Variants in KIAA1958 observed in about 807,000 individuals in gnomAD.
KIAA1958 encodes the protein uncharacterized protein KIAA1958.
KIAA1958 carries 14 observed loss-of-function variants against 47.2 expected under a neutral mutation model. The ratio of observed to expected loss-of-function variants is 0.30; its 90% CI spans 0.20 to 0.46. The LOEUF (loss-of-function observed/expected upper bound fraction) is 0.46, where lower values mean the gene tolerates loss of function less well. Among genes scored for constraint, KIAA1958 ranks in the 20% least tolerant of loss-of-function variants. KIAA1958 has a pLI of 1.00. For synonymous variants in KIAA1958, 354 were observed against 353.3 expected (o/e 1.00, Z -0.02); for missense variants, 803 against 909.2 (o/e 0.88, Z 1.50).
intron 2 of KIAA1958, among the ~76,000 whole-genome samples, chr9:112,635,066 C>A (rs932265117): frequency 3.3e-5 from 5 of 151,938 alleles, no homozygotes; most frequent in Admixed American, 2.0e-4. Context: ...TTGTATTATT[C>A]TTGGCTTATT....
chr9:112,598,907 C>T (rs924837387), intron 2 of KIAA1958, among the ~76,000 whole-genome samples: 4 of 152,058 alleles, frequency 2.6e-5, no homozygotes, highest in Non-Finnish European at 4.4e-5. Context: ...CATAACAAGA[C>T]CCCATCTGTA....
At chr9:112,540,101 A>G (rs1834916022) in intron 1 of KIAA1958, among the ~76,000 whole-genome samples, 1 of 152,230 alleles carries the variant, frequency 6.6e-6, no homozygotes, top group Non-Finnish European at 1.5e-5. Context: ...GTACATTTCA[A>G]TAAGGAAAGC....
intron 2 of KIAA1958, among the ~76,000 whole-genome samples, chr9:112,599,322 CTTT>C (rs1836088887): frequency 6.6e-6 from 1 of 151,874 alleles, no homozygotes; most frequent in African/African-American, 2.4e-5. Flanking sequence ...ACCCTTTAAA[CTTT>C]TTTAAACTAA....
intron 2 of KIAA1958, among the ~76,000 whole-genome samples, chr9:112,642,549 T>A (rs1233747987): frequency 6.6e-6 from 1 of 152,196 alleles, no homozygotes; most frequent in African/African-American, 2.4e-5. Flanking sequence ...GTAGATGATG[T>A]AAGGGCATCC....
intron 1 of KIAA1958, among the ~76,000 whole-genome samples, chr9:112,543,660 C>T (rs767979716): frequency 3.6e-4 from 55 of 151,534 alleles, no homozygotes; most frequent in Non-Finnish European, 6.8e-4. Flanking sequence ...TCAACCTCCA[C>T]CTCCCAGGTT....
chr9:112,530,142 C>CTAGA (rs1834730123), intron 1 of KIAA1958, among the ~76,000 whole-genome samples: 1 of 152,186 alleles, frequency 6.6e-6, no homozygotes, highest in African/African-American at 2.4e-5. Context: ...CACATCCGGC[C>CTAGA]TAGACTCCAC....
intron 1 of KIAA1958, among the ~76,000 whole-genome samples, chr9:112,507,709 A>G (rs573572592): frequency 6.6e-6 from 1 of 152,272 alleles, no homozygotes; most frequent in African/African-American, 2.4e-5. Context: ...TCAAACATCT[A>G]TACCTATAAG....
At chr9:112,487,887 A>G (rs964948881) in intron 1 of KIAA1958, among the ~76,000 whole-genome samples, 6 of 148,282 alleles carry the variant, frequency 4.0e-5, no homozygotes, top group African/African-American at 1.5e-4. Flanking sequence ...TTAGATTGGG[A>G]CTTTAAAAAA....
intron 3 of KIAA1958, among the ~76,000 whole-genome samples, chr9:112,647,329 T>C (rs1346258746): frequency 6.6e-6 from 1 of 152,182 alleles, no homozygotes; most frequent in Non-Finnish European, 1.5e-5. Context: ...AAAGTGGTTC[T>C]AGGTAGGTAG....
intron 2 of KIAA1958, among the ~76,000 whole-genome samples, chr9:112,608,812 G>C (rs1397443327): frequency 6.6e-6 from 1 of 152,124 alleles, no homozygotes; most frequent in African/African-American, 2.4e-5. Context: ...GCTGAGGCAG[G>C]AAGATTGCTT....
rs78919400 is a variant in KIAA1958 at position 112,545,448 on chromosome 9, A to G, written c.-24-28609A>G. On this transcript the variant is annotated intron_variant, in intron 1 of 3. Coordinates refer to ENST00000337530, the MANE Select transcript of KIAA1958 (RefSeq NM_133465.4). ...AAAGAATAAGACTGGAAAGGAAGAA[A>G]CTGTCAAGTCAGGGTTTGGCTTTTC... is the stretch of plus-strand genomic sequence containing the variant. Among the ~76,000 whole-genome samples the G allele has an allele frequency of 5.2e-3, 795 of 152,340 alleles. 10 individuals carry two copies. Among genetic ancestry groups the G allele is most frequent in the African/African-American group, 0.018 (755 of 41,576 alleles).
At chr9:112,657,711 T>C (rs899115243) in intron 3 of KIAA1958, among the ~76,000 whole-genome samples, 1 of 152,202 alleles carries the variant, frequency 6.6e-6, no homozygotes, top group Non-Finnish European at 1.5e-5. Flanking sequence ...TCAGCTTGAA[T>C]AGACCATGAG....
chr9:112,629,437 A>G (rs1379939071), intron 2 of KIAA1958, among the ~76,000 whole-genome samples: 2 of 152,220 alleles, frequency 1.3e-5, no homozygotes, highest in Non-Finnish European at 2.9e-5. Context: ...TGCTACAGTT[A>G]TAGTTTGTGA....
At position 112,664,518 on chromosome 9, in the gene KIAA1958, C is replaced by T. The variant is rs892215329; in HGVS notation, c.*4449C>T. Reference sequence around the variant, plus strand: ...CTCTACATGATCTCCAATGTAGTCTCAGATAAGGCCCATACATAGTTAAAA... The same window carrying T: ...CTCTACATGATCTCCAATGTAGTCTTAGATAAGGCCCATACATAGTTAAAA... On this transcript the variant is annotated 3_prime_UTR_variant, in exon 4 of 4. Transcript: ENST00000337530. 2 of 152,186 alleles carry T rather than the reference C, an allele frequency of 1.3e-5. No homozygotes were observed. The highest frequency in any genetic ancestry group is 2.9e-5 in the Non-Finnish European group (2 of 68,040). The allele number at this position is 152,186 out of a possible 1,614,324, so 9.4% of individuals were successfully genotyped here.
chr9:112,575,143 G>T lies in KIAA1958; in HGVS notation c.1063G>T (p.Val355Leu), dbSNP rs774357958. 6.2e-7 allele frequency: 1 copy of T among 1,602,478 alleles called. No homozygotes were observed. Among genetic ancestry groups the T allele is most frequent in the South Asian group, 1.1e-5 (1 of 91,052 alleles). ...HLPSQVSSCE[V>L]ALSPSVNTEP... is the part of the protein sequence containing the mutation. Reference sequence around the variant, plus strand: ...GCCCAGCCAGGTCTCCTCCTGTGAGGTAGCCCTTTCTCCCTCAGTTAACAC... The same window carrying T: ...GCCCAGCCAGGTCTCCTCCTGTGAGTTAGCCCTTTCTCCCTCAGTTAACAC... The change falls in exon 2 of 4, where the codon GTA becomes TTA. Residue 355 changes from valine (V) to leucine (L), a missense_variant. Physicochemically the swap from Val to Leu is conservative, Grantham distance 32. Coordinates refer to ENST00000337530, the MANE Select transcript of KIAA1958 (RefSeq NM_133465.4).
chr9:112,652,168 G>C (rs1837064874), intron 3 of KIAA1958, among the ~76,000 whole-genome samples: 1 of 152,060 alleles, frequency 6.6e-6, no homozygotes, highest in Non-Finnish European at 1.5e-5. Context: ...GCCCAGCCCA[G>C]TTTTTATTTT....
intron 1 of KIAA1958, among the ~76,000 whole-genome samples, chr9:112,561,628 G>A (rs1835333679): frequency 6.6e-6 from 1 of 152,130 alleles, no homozygotes; most frequent in African/African-American, 2.4e-5. Flanking sequence ...GCTGAGGCGG[G>A]CATATCACCT....
intron 1 of KIAA1958, among the ~76,000 whole-genome samples, chr9:112,511,569 AG>A (rs1834326063): frequency 6.6e-6 from 1 of 152,256 alleles, no homozygotes; most frequent in Non-Finnish European, 1.5e-5. Flanking sequence ...TAGCTAAAGT[AG>A]TACTTTGGGG....
chr9:112,573,951 G>A (rs924045375), intron 1 of KIAA1958, 106 bp from the exon 2 acceptor site: 11 of 537,082 alleles, frequency 2.0e-5, no homozygotes, highest in Admixed American at 6.9e-5. Context: ...TTTGAAGTGC[G>A]TTTTTTTTTT....
Sources: gnomAD v4.1 joint callset for allele counts (sites outside exome capture counted in the v4.1 genomes callset) on GRCh38, gnomAD v4.1.1 for gene constraint, MANE v1.5 for transcripts, NCBI Gene and HGNC (gene_info 2026-07-23, HGNC 2026-07-21) for gene names.